The following MYCBP2 variants were observed in gnomAD, a reference collection of about 807,000 sequenced individuals.
The protein encoded by MYCBP2 is E3 ubiquitin-protein ligase MYCBP2.
Under a neutral mutation model 525.3 loss-of-function variants are expected in MYCBP2, and 120 were observed. The observed-to-expected ratio is 0.23, with a 90% CI of 0.20 to 0.27. The LOEUF (loss-of-function observed/expected upper bound fraction) is 0.27, where lower values mean the gene tolerates loss of function less well. MYCBP2 is among the 10% of genes least tolerant of loss of function. The pLI is 1.00. For missense variants in MYCBP2, 4,149 were observed against 5,657.1 expected (o/e 0.73, Z 8.55); for synonymous variants, 1,894 against 1,955.8 (o/e 0.97, Z 0.83).
intron 20 of MYCBP2, among the ~76,000 whole-genome samples, chr13:77,220,406 T>C (rs903786415): frequency 6.6e-6 from 1 of 152,066 alleles, no homozygotes; most frequent in Non-Finnish European, 1.5e-5. Context: ...GCCAAGATCA[T>C]ATAGCTACCA....
chr13:77,268,210 T>C (rs981731259), intron 7 of MYCBP2, among the ~76,000 whole-genome samples: 1 of 152,188 alleles, frequency 6.6e-6, no homozygotes, highest in Admixed American at 6.5e-5. Context: ...AAAATGACCA[T>C]ACCACTTGCC....
At chr13:77,203,742 C>A (rs1422752992) in intron 26 of MYCBP2, among the ~76,000 whole-genome samples, 3 of 152,122 alleles carry the variant, frequency 2.0e-5, no homozygotes, top group African/African-American at 7.2e-5. Context: ...AATAATGCCA[C>A]ATATCTACAA....
intron 54 of MYCBP2, among the ~76,000 whole-genome samples, chr13:77,121,964 TG>T (rs143050819): frequency 0.01 from 1,591 of 152,256 alleles, 15 homozygotes; most frequent in Middle Eastern, 0.027. Flanking sequence ...TTCTAAGTTA[TG>T]AATGTGAAAA....
At chr13:77,323,524 T>TTAC (rs2081943246) in intron 1 of MYCBP2, among the ~76,000 whole-genome samples, 1 of 152,208 alleles carries the variant, frequency 6.6e-6, no homozygotes, top group African/African-American at 2.4e-5. Flanking sequence ...CCTGACCATG[T>TTAC]TACCTAAAAT....
chr13:77,118,654 A>G, intron 55 of MYCBP2: 2 of 545,522 alleles, frequency 3.7e-6, no homozygotes, highest in Non-Finnish European at 3.2e-6. Flanking sequence ...AATCATCCTC[A>G]GATTAGGGAC....
chr13:77,076,926 T>C (rs2042409820), intron 67 of MYCBP2, 77 bp from the exon 68 acceptor site: 1 of 1,206,026 alleles, frequency 8.3e-7, no homozygotes, highest in South Asian at 1.3e-5. Context: ...CATTAGCTGA[T>C]TCCGCAGGTT....
intron 21 of MYCBP2, among the ~76,000 whole-genome samples, chr13:77,214,803 T>C (rs1373045870): frequency 6.6e-6 from 1 of 152,204 alleles, no homozygotes; most frequent in Non-Finnish European, 1.5e-5. Context: ...TGTAACCCAT[T>C]AGTAAGTATT....
At position 77,144,097 on chromosome 13, in the gene MYCBP2, G is replaced by T. The variant is rs1474070364; in HGVS notation, c.7303+348C>A. The T allele has an allele frequency of 1.9e-5, 5 of 259,690 alleles. No homozygotes were observed. The Admixed American group carries it at 2.5e-4, about 13-fold the overall frequency. The allele number at this position is 259,690 out of a possible 1,614,324, so 16.1% of individuals were successfully genotyped here. ...TGCCAGGCACTGAGCTACACTGGAAGATCCAAACATGAATGCTTTCTGCTC... is the reference window on the plus strand; with the variant it reads ...TGCCAGGCACTGAGCTACACTGGAATATCCAAACATGAATGCTTTCTGCTC... On this transcript the variant is annotated intron_variant, in intron 49 of 82. Coordinates refer to ENST00000544440, the MANE Select transcript of MYCBP2 (RefSeq NM_015057.5).
chr13:77,227,713 T>A (rs2066499289), intron 18 of MYCBP2, among the ~76,000 whole-genome samples: 1 of 152,234 alleles, frequency 6.6e-6, no homozygotes, highest in South Asian at 2.1e-4. Context: ...AATGTATTGA[T>A]GCCTAGTTAT....
At chr13:77,198,113 C>G (rs1353096266) in intron 26 of MYCBP2, among the ~76,000 whole-genome samples, 1 of 152,172 alleles carries the variant, frequency 6.6e-6, no homozygotes, top group Non-Finnish European at 1.5e-5. Flanking sequence ...GGTTGCTTCT[C>G]TAACGTGAGG....
At position 77,288,224 on chromosome 13, in the gene MYCBP2, C is replaced by G. The variant is rs1594685352; in HGVS notation, c.531G>C (p.Gln177His). 1 of 1,614,196 alleles carries G rather than the reference C, an allele frequency of 6.2e-7. No homozygotes were observed. The highest frequency in any genetic ancestry group is 2.2e-5 in the East Asian group (1 of 44,870). The change falls in exon 3 of 83, where the codon CAG becomes CAC. Residue 177 changes from glutamine (Q) to histidine (H), a missense_variant. Physicochemically the swap from Gln to His is conservative, Grantham distance 24. This residue lies in a region of MYCBP2 where 413 missense variants were observed against 451.2 expected (regional missense o/e 0.92). Coordinates refer to ENST00000544440, the MANE Select transcript of MYCBP2 (RefSeq NM_015057.5). ...SLAAASKNSVQSGESDSDEEE... is the reference protein window; with the variant it reads ...SLAAASKNSVHSGESDSDEEE... ...CTTCATCACTATCTGATTCTCCACT[C>G]TGCACAGAGTTCTTAGATGCGGCTG...
intron 73 of MYCBP2, among the ~76,000 whole-genome samples, chr13:77,063,025 TTAC>T (rs2039583967): frequency 6.6e-6 from 1 of 152,232 alleles, no homozygotes; most frequent in Admixed American, 6.5e-5. Flanking sequence ...TATTTAATAT[TTAC>T]TACTAATGTC....
intron 26 of MYCBP2, among the ~76,000 whole-genome samples, chr13:77,204,889 A>G (rs1418479763): frequency 5.4e-5 from 6 of 111,182 alleles, no homozygotes; most frequent in South Asian, 6.3e-4. Flanking sequence ...CACACTCTGG[A>G]GACTGTTGTG....
intron 20 of MYCBP2, among the ~76,000 whole-genome samples, chr13:77,218,267 C>T (rs373671441): frequency 1.3e-5 from 2 of 152,152 alleles, no homozygotes; most frequent in East Asian, 3.8e-4. Context: ...TGTATACTGA[C>T]TGGCCTGTTA....
intron 2 of MYCBP2, among the ~76,000 whole-genome samples, chr13:77,294,584 C>T (rs373647636): frequency 1.3e-5 from 2 of 152,090 alleles, no homozygotes; most frequent in East Asian, 1.9e-4. Flanking sequence ...TATGCCACCA[C>T]TTCAGGAAAA....
intron 55 of MYCBP2, among the ~76,000 whole-genome samples, chr13:77,112,122 C>T (rs2154146068): frequency 6.6e-6 from 1 of 151,912 alleles, no homozygotes; most frequent in Non-Finnish European, 1.5e-5. Context: ...TCAATGCAGT[C>T]TCTCCATGGT....
rs923970520 is a variant in MYCBP2, at chr13:77,327,089, G to A, written c.-314C>T. The A allele has an allele frequency of 6.9e-6, 3 of 437,524 alleles. No homozygotes were observed. Among genetic ancestry groups the A allele is most frequent in the Non-Finnish European group, 1.2e-5 (3 of 252,154 alleles). 27.1% of individuals were successfully genotyped at this position (437,524 alleles called of 1,614,324 possible). On this transcript the variant is annotated 5_prime_UTR_variant, in exon 1 of 83. Coordinates refer to ENST00000544440, the MANE Select transcript of MYCBP2 (RefSeq NM_015057.5). ...CCACCGCCGGGGCTACCCGCAATGG[G>A]AAGCTGCCGGCCTCACAGAGCATGC... is the stretch of plus-strand genomic sequence containing the variant.
At chr13:77,079,505 T>G (rs1400676086) in intron 65 of MYCBP2, among the ~76,000 whole-genome samples, 1 of 152,192 alleles carries the variant, frequency 6.6e-6, no homozygotes, top group Admixed American at 6.5e-5. Context: ...TAACATTAAT[T>G]CCTTGGAGAG....
In MYCBP2 at chr13:77,097,718, T is replaced by A. The variant is rs548388141; in HGVS notation, c.9436A>T (p.Met3146Leu). Residue 3146 changes from methionine (M) to leucine (L), a missense_variant, in exon 56 of 83, where the codon ATG becomes TTG. Physicochemically the swap from Met to Leu is conservative, Grantham distance 15. Around this residue, in one of 21 missense-constraint regions of MYCBP2, gnomAD observed 653 missense variants for 744.7 expected, o/e 0.88. Transcript: ENST00000544440. ...GACTTAGACTTCATTGTGTTATGCATGGACATTTCAAAAGTGGTCTCGGTT... is the reference window on the plus strand; with the variant it reads ...GACTTAGACTTCATTGTGTTATGCAAGGACATTTCAAAAGTGGTCTCGGTT... ...GKTETTFEMS[M>L]HNTMKSKSPL... is the part of the protein sequence containing the mutation. 8.7e-6 allele frequency: 14 copies of A among 1,613,714 alleles called. No homozygotes were observed. The Admixed American group carries it at 1.2e-4, about 13-fold the overall frequency.
Sources: gnomAD v4.1 joint callset for allele counts (sites outside exome capture counted in the v4.1 genomes callset) on GRCh38, gnomAD v4.1.1 for gene constraint, gnomAD v4.1.1 regional missense constraint, MANE v1.5 for transcripts, NCBI Gene and HGNC (gene_info 2026-07-23, HGNC 2026-07-21) for gene names.